Variants in TEKT5 observed in about 807,000 individuals in gnomAD.
The protein encoded by TEKT5 is tektin-5.
A neutral mutation model predicts 48.7 loss-of-function variants in TEKT5; 52 were observed. That is an observed-to-expected ratio of 1.07 (90% confidence interval 0.86 to 1.35). The LOEUF is 1.35. Among genes scored for constraint, TEKT5 ranks in the 40% most tolerant of loss-of-function variants. The pLI is 0.00. For missense variants in TEKT5, 831 were observed against 641.6 expected, an observed-to-expected ratio of 1.30 and a Z score of -3.19; for synonymous variants, 318 against 267.6, an observed-to-expected ratio of 1.19 and a Z score of -1.84.
At chr16:10,666,323 C>T (rs1016173655) in intron 5 of TEKT5, among the ~76,000 whole-genome samples, 6 of 152,166 alleles carry the variant, frequency 3.9e-5, no homozygotes, top group African/African-American at 1.4e-4. Context: ...TCCTCAAACC[C>T]TCCCCTCCTG....
chr16:10,645,620 T>C (rs985056607), intron 5 of TEKT5, among the ~76,000 whole-genome samples: 2 of 151,870 alleles, frequency 1.3e-5, no homozygotes, highest in Admixed American at 6.6e-5. Context: ...CTGGCCAACA[T>C]GGTAAAATCC....
rs1898636233 is a variant in TEKT5 at position 10,675,940 on chromosome 16, C to G, written c.1086+19G>C. On this transcript the variant is annotated intron_variant, in intron 5 of 6. Coordinates refer to ENST00000283025, the MANE Select transcript of TEKT5 (RefSeq NM_144674.2). ...AGGGCTTGGCAGAGAAGGCAGGGGTCCTGGGAGGATCTGCTCACCTTCGCC... is the reference window on the plus strand; with the variant it reads ...AGGGCTTGGCAGAGAAGGCAGGGGTGCTGGGAGGATCTGCTCACCTTCGCC... The G allele has an allele frequency of 3.1e-6, 5 of 1,612,810 alleles. No individual in the cohort carries two copies. In the East Asian group the frequency reaches 1.1e-4, roughly 36 times the overall value.
At chr16:10,651,805 C>CA (rs909885798) in intron 5 of TEKT5, among the ~76,000 whole-genome samples, 10 of 152,002 alleles carry the variant, frequency 6.6e-5, no homozygotes, top group South Asian at 2.1e-4. Context: ...ACTAAAAATA[C>CA]AAAAAAATTA....
rs777729606 is a variant in TEKT5 at position 10,627,646 on chromosome 16, C to G, written c.1395G>C (p.Lys465Asn). ...TCTTACGCATGCCCATGCACTTCTC[C>G]TTGTCGATGCAGAGGGTGTTGGCCT... ...AIKANTLCID[K>N]EKCMGMRKTF... is the part of the protein sequence containing the mutation. The change falls in exon 7 of 7, where the codon AAG becomes AAC. Residue 465 changes from lysine to asparagine, a missense_variant. Lys to Asn is a moderately conservative substitution (Grantham distance 94). Coordinates refer to ENST00000283025, the MANE Select transcript of TEKT5 (RefSeq NM_144674.2). 5.0e-6 allele frequency: 8 copies of G among 1,614,084 alleles called. No homozygotes were observed. The South Asian group carries it at 8.8e-5, about 18-fold the overall frequency.
intron 5 of TEKT5, among the ~76,000 whole-genome samples, chr16:10,637,484 A>AAGGAAGGC (rs142003232): frequency 0.16 from 24,358 of 151,814 alleles, 2,800 homozygotes; most frequent in African/African-American, 0.32. Flanking sequence ...GGGAGGGAGA[A>AAGGAAGGC]AGGAAGGCAA....
At chr16:10,642,056 G>A (rs993330211) in intron 5 of TEKT5, among the ~76,000 whole-genome samples, 1 of 152,234 alleles carries the variant, frequency 6.6e-6, no homozygotes, top group Non-Finnish European at 1.5e-5. Flanking sequence ...CAGAGCTACT[G>A]ATATTCACCC....
At chr16:10,688,867 C>T (rs1898912528) in intron 3 of TEKT5, among the ~76,000 whole-genome samples, 1 of 152,200 alleles carries the variant, frequency 6.6e-6, no homozygotes. Context: ...CTGTCATCTC[C>T]CAAGGTTCAG....
chr16:10,686,633 C>G (rs1898866344), intron 3 of TEKT5, among the ~76,000 whole-genome samples: 1 of 152,134 alleles, frequency 6.6e-6, no homozygotes, highest in Admixed American at 6.5e-5. Context: ...AGCTTCTGCA[C>G]AGCAAACGAA....
intron 5 of TEKT5, among the ~76,000 whole-genome samples, chr16:10,644,188 T>A (rs528129763): frequency 6.6e-6 from 1 of 152,354 alleles, no homozygotes; most frequent in East Asian, 1.9e-4. Context: ...TTTTTCAGTT[T>A]ACAAAGTCCT....
chr16:10,628,140 C>T (rs1897782435), intron 6 of TEKT5, among the ~76,000 whole-genome samples: 2 of 152,144 alleles, frequency 1.3e-5, no homozygotes, highest in South Asian at 4.1e-4. Context: ...GCTATGGTGC[C>T]CGACCTAGCA....
chr16:10,679,403 G>C (rs1420225507), intron 4 of TEKT5, among the ~76,000 whole-genome samples: 1 of 150,842 alleles, frequency 6.6e-6, no homozygotes, highest in East Asian at 1.9e-4. Flanking sequence ...GTTGCAGTGA[G>C]CCGAGATTGT....
At chr16:10,679,937 A>C (rs1232628448) in intron 4 of TEKT5, among the ~76,000 whole-genome samples, 1 of 123,122 alleles carries the variant, frequency 8.1e-6, no homozygotes, top group Non-Finnish European at 1.8e-5. Flanking sequence ...AACCACAAAT[A>C]CAAAGCCCCA....
intron 5 of TEKT5, among the ~76,000 whole-genome samples, chr16:10,672,409 T>C (rs111572582): frequency 0.039 from 5,901 of 152,140 alleles, 141 homozygotes; most frequent in Non-Finnish European, 0.054. Flanking sequence ...CTGGGCAATA[T>C]GGCAAAACGC....
chr16:10,652,441 T>A (rs1898174172), intron 5 of TEKT5, among the ~76,000 whole-genome samples: 1 of 125,182 alleles, frequency 8.0e-6, no homozygotes, highest in Non-Finnish European at 1.6e-5. Context: ...ATCCCTTATA[T>A]ACACAGGCAA....
intron 4 of TEKT5, 138 bp downstream of exon 4, chr16:10,681,855 C>A: frequency 8.4e-7 from 1 of 1,189,318 alleles, no homozygotes; most frequent in Non-Finnish European, 1.2e-6. Context: ...CTGCCGCCTG[C>A]GCTAGAGGAT....
chr16:10,646,233 C>A (rs1898068184), intron 5 of TEKT5, among the ~76,000 whole-genome samples: 1 of 152,086 alleles, frequency 6.6e-6, no homozygotes, highest in Non-Finnish European at 1.5e-5. Context: ...GGTAGTAGCT[C>A]AATAAACATC....
chr16:10,661,470 G>T (rs1898368751), intron 5 of TEKT5, among the ~76,000 whole-genome samples: 1 of 152,136 alleles, frequency 6.6e-6, no homozygotes, highest in Admixed American at 6.6e-5. Flanking sequence ...GCATATTAAA[G>T]CTTTAAAGCA....
Position 10,635,894 on chromosome 16 carries a change from C to T in TEKT5, c.1111G>A (p.Glu371Lys), listed in dbSNP as rs140448268. 8.1e-6 allele frequency: 13 copies of T among 1,613,876 alleles called. No individual in the cohort carries two copies. Among genetic ancestry groups the T allele is most frequent in the African/African-American group, 4.0e-5 (3 of 74,900 alleles). The change falls in exon 6 of 7, where the codon GAG becomes AAG. Residue 371 changes from glutamate to lysine, a missense_variant. Physicochemically the swap from Glu to Lys is moderately conservative, Grantham distance 56. Transcript: ENST00000283025. ...CTTTCCAGCAGCATGATGGTGTTCTCGGCCTGGAAGATCTCCTGCAGCGTC... is the reference window on the plus strand; with the variant it reads ...CTTTCCAGCAGCATGATGGTGTTCTTGGCCTGGAAGATCTCCTGCAGCGTC... Reference protein sequence around the residue: ...AKTLQEIFQAENTIMLLERSI... With the variant: ...AKTLQEIFQAKNTIMLLERSI...
At position 10,635,813 on chromosome 16, in the gene TEKT5, G is replaced by T; in HGVS notation, c.1192C>A (p.Arg398=). Residue 398 remains arginine, a synonymous_variant, in exon 6 of 7, where the codon CGG becomes AGG. Transcript: ENST00000283025. ...AGCTCCATGTTGGGGCGCCGGGTCC[G>T]GCACTCCAGCCTTGTCTGGGCCACC... ...LKVAQTRLEC[R]TRRPNMELCR... The T allele has an allele frequency of 6.2e-7, 1 of 1,614,156 alleles. No homozygotes were observed. Among genetic ancestry groups the T allele is most frequent in the Non-Finnish European group, 8.5e-7 (1 of 1,180,020 alleles).
Sources: gnomAD v4.1 joint callset for allele counts (sites outside exome capture counted in the v4.1 genomes callset) on GRCh38, gnomAD v4.1.1 for gene constraint, MANE v1.5 for transcripts, NCBI Gene and HGNC (gene_info 2026-07-23, HGNC 2026-07-21) for gene names.